TKFC: variants seen among roughly 807,000 people sequenced by gnomAD.
TKFC encodes triokinase/FMN cyclase.
TKFC carries 46 observed loss-of-function variants against 61.0 expected under a neutral mutation model. The ratio of observed to expected loss-of-function variants is 0.75; its 90% CI spans 0.60 to 0.96. The LOEUF is 0.96. TKFC is among the 50% of genes least tolerant of loss of function. The probability of loss-of-function intolerance (pLI) is 0.00; values close to 1 mark genes in which losing one functional copy is unlikely to be tolerated. For missense variants in TKFC, 715 were observed against 777.5 expected (o/e 0.92, Z 0.96); for synonymous variants, 314 against 330.1 (o/e 0.95, Z 0.53).
chr11:61,350,345 G>A, downstream of TKFC: 2 of 1,591,782 alleles, frequency 1.3e-6, no homozygotes, highest in Non-Finnish European at 1.7e-6. Context: ...CAGAGCTTCT[G>A]AGGGGAGCAC....
At chr11:61,350,787 G>A (rs1419360633), downstream of TKFC, 1 of 694,884 alleles carries the variant, frequency 1.4e-6, no homozygotes, top group Non-Finnish European at 2.3e-6. Context: ...CCAATGGACA[G>A]ACTGGGGAGT....
downstream of TKFC, chr11:61,350,181 G>A (rs111693851): frequency 2.2e-5 from 13 of 604,052 alleles, no homozygotes; most frequent in Admixed American, 1.2e-4. Flanking sequence ...GCAAGCGGCC[G>A]GAGAGGGCAG....
intron 1 of TKFC, 102 bp from the exon 2 acceptor site, chr11:61,334,518 G>A (rs1057109410): frequency 3.7e-5 from 22 of 588,314 alleles, no homozygotes; most frequent in Admixed American, 2.1e-4. Flanking sequence ...GACTTGGACC[G>A]AAGTCTGGGG....
intron 7 of TKFC, chr11:61,342,195 C>A: frequency 1.6e-6 from 1 of 613,340 alleles, no homozygotes; most frequent in Non-Finnish European, 2.9e-6. Context: ...ACCCTTCTTT[C>A]AACGGCTGTT....
chr11:61,350,045 G>A (rs1334457559), downstream of TKFC: 3 of 503,368 alleles, frequency 6.0e-6, no homozygotes, highest in South Asian at 6.7e-5. Flanking sequence ...TGTGAATGGA[G>A]GACCTGAGAG....
chr11:61,350,249 G>C, downstream of TKFC: 1 of 1,034,750 alleles, frequency 9.7e-7, no homozygotes, highest in Non-Finnish European at 1.4e-6. Context: ...CGGCCGGAGA[G>C]GGCAGGCCAG....
rs569047047 is a variant in TKFC, at chr11:61,346,278, C to T, written c.1576-73C>T. Reference sequence around the variant, plus strand: ...GCAGGGCCAGGCTGCACGGCAGAGACGTTCTGCCCATGGCAGGAAGGAGGC... The same window carrying T: ...GCAGGGCCAGGCTGCACGGCAGAGATGTTCTGCCCATGGCAGGAAGGAGGC... On this transcript the variant is annotated intron_variant, in intron 17 of 17. Coordinates refer to ENST00000394900, the MANE Select transcript of TKFC (RefSeq NM_015533.4). This position sits in a 1 kb window ranked among gnomAD's most constrained non-coding sequence, Gnocchi z 4.1. 1.2e-5 allele frequency: 20 copies of T among 1,603,522 alleles called. No homozygotes were observed. Among genetic ancestry groups the T allele is most frequent in the South Asian group, 2.2e-5 (2 of 90,664 alleles).
chr11:61,335,119 G>C (rs1856552753), intron 2 of TKFC, among the ~76,000 whole-genome samples: 1 of 152,242 alleles, frequency 6.6e-6, no homozygotes, highest in Non-Finnish European at 1.5e-5. Context: ...CCGGTCTGGA[G>C]CTGGGATCTA....
Position 61,345,485 on chromosome 11 carries a change from G to A in TKFC, c.1371G>A (p.Ala457=), listed in dbSNP as rs761353855. Residue 457 remains alanine (A), a synonymous_variant, in exon 15 of 18, where the codon GCG becomes GCA. Transcript: ENST00000394900. ...AGCTCTATGGCCTGTTCCTGACTGC[G>A]GCTGCACAGCCCCTGAAGGCCAAGA... ...SGALYGLFLT[A]AAQPLKAKTS... The A allele has an allele frequency of 9.9e-6, 16 of 1,613,228 alleles. No individual in the cohort carries two copies. Among genetic ancestry groups the A allele is most frequent in the Middle Eastern group, 1.6e-4 (1 of 6,084 alleles).
chr11:61,352,839 A>T, downstream of TKFC: 2 of 1,482,724 alleles, frequency 1.3e-6, no homozygotes, highest in Non-Finnish European at 1.8e-6. Context: ...CTAAAGAAAG[A>T]TCAATTCTGT....
Position 61,346,447 on chromosome 11 carries a change from G to A in TKFC, c.1672G>A (p.Gly558Arg), listed in dbSNP as rs765861657. 24 of 1,610,638 alleles carry A rather than the reference G, an allele frequency of 1.5e-5. No homozygotes were observed. The highest frequency in any genetic ancestry group is 2.2e-5 in the East Asian group (1 of 44,862). ...SSARLEQPDP[G>R]AVAAAAILRA... ...AGCACGGCTGGAGCAGCCAGACCCC[G>A]GGGCGGTGGCAGCTGCTGCCATCCT... Residue 558 changes from glycine (G) to arginine (R), a missense_variant, in exon 18 of 18, where the codon GGG becomes AGG. Gly to Arg is a moderately radical substitution (Grantham distance 125, BLOSUM62 -2). Transcript: ENST00000394900. The surrounding 1 kb of genome is among the most constrained non-coding windows in gnomAD (Gnocchi z 4.1).
At chr11:61,342,351 C>G in intron 7 of TKFC, 110 bp from the exon 8 acceptor site, 1 of 1,378,220 alleles carries the variant, frequency 7.3e-7, no homozygotes, top group Non-Finnish European at 1.0e-6. Context: ...TTCCATCCCC[C>G]ACTCCCGCCC....
intron 2 of TKFC, among the ~76,000 whole-genome samples, chr11:61,337,358 C>T (rs950326945): frequency 2.6e-4 from 39 of 152,204 alleles, no homozygotes; most frequent in African/African-American, 9.2e-4. Context: ...GTTGCCCAGG[C>T]CGGTCTCAAA....
At position 61,346,120 on chromosome 11, in the gene TKFC, A is replaced by G; in HGVS notation, c.1575+174A>G. On this transcript the variant is annotated intron_variant, in intron 17 of 17. Coordinates refer to ENST00000394900, the MANE Select transcript of TKFC (RefSeq NM_015533.4). The surrounding 1 kb of genome is among the most constrained non-coding windows in gnomAD (Gnocchi z 4.1). ...GTTATGTGGCTAAGGAAATATGTAGAGCCCCGCACACTGCCTGGGATGTGA... is the reference window on the plus strand; with the variant it reads ...GTTATGTGGCTAAGGAAATATGTAGGGCCCCGCACACTGCCTGGGATGTGA... 8.7e-7 allele frequency: 1 copy of G among 1,150,180 alleles called. No individual in the cohort carries two copies. Among genetic ancestry groups the G allele is most frequent in the South Asian group, 1.6e-5 (1 of 64,162 alleles). The allele number at this position is 1,150,180 out of a possible 1,614,324, so 71.2% of individuals were successfully genotyped here. A position where few individuals can be genotyped will look rare whatever the true frequency, so the allele number is the denominator to read the frequency against.
At chr11:61,349,816 A>G, downstream of TKFC, 1 of 604,554 alleles carries the variant, frequency 1.7e-6, no homozygotes, top group Admixed American at 2.5e-5. Flanking sequence ...ATGGGGCTGG[A>G]TGGCAGAGCA....
At chr11:61,345,203 A>G in intron 13 of TKFC, 57 bp from the exon 14 acceptor site, 1 of 1,414,520 alleles carries the variant, frequency 7.1e-7, no homozygotes, top group Non-Finnish European at 9.6e-7. Context: ...GCTGGCTGGA[A>G]GTCTGGCAGA....
chr11:61,343,797 GC>G, intron 11 of TKFC, 58 bp from the exon 12 acceptor site: 1 of 1,573,380 alleles, frequency 6.4e-7, no homozygotes, highest in African/African-American at 1.3e-5. Flanking sequence ...GAGGGTCCAA[GC>G]CCTGCTGAAT....
chr11:61,334,882 A>G (rs1195304500), intron 2 of TKFC, 151 bp downstream of exon 2: 6 of 1,224,630 alleles, frequency 4.9e-6, no homozygotes, highest in Non-Finnish European at 7.0e-6. Context: ...CCTCTCTCCC[A>G]GGGTCTGATC....
At chr11:61,351,253 C>T (rs553903555), downstream of TKFC, 19 of 1,157,440 alleles carry the variant, frequency 1.6e-5, no homozygotes, top group South Asian at 3.5e-4. Flanking sequence ...CTTCCCGGGT[C>T]CATATGTGAT....
Sources: allele counts gnomAD v4.1 joint callset (sites outside exome capture counted in the v4.1 genomes callset), GRCh38; gene constraint gnomAD v4.1.1; non-coding constraint Gnocchi (gnomAD v3.1); transcripts MANE v1.5; gene names NCBI Gene and HGNC (gene_info 2026-07-23, HGNC 2026-07-21).